CNTNAP2: variants seen among roughly 807,000 people sequenced by gnomAD.
The protein encoded by CNTNAP2 is contactin-associated protein-like 2.
A neutral mutation model predicts 155.2 loss-of-function variants in CNTNAP2; 98 were observed. The observed-to-expected ratio is 0.63, with a 90% CI of 0.54 to 0.75. The LOEUF is 0.75. Ranked by LOEUF, CNTNAP2 falls within the 30% of genes least tolerant of loss-of-function variation. CNTNAP2 has a pLI of 0.00. For synonymous variants in CNTNAP2, 651 were observed against 631.2 expected (o/e 1.03, Z -0.47); for missense variants, 1,727 against 1,688.1 (o/e 1.02, Z -0.40).
At chr7:146,759,050 TG>T (rs1408918133) in intron 1 of CNTNAP2, among the ~76,000 whole-genome samples, 7 of 152,228 alleles carry the variant, frequency 4.6e-5, no homozygotes, top group Non-Finnish European at 8.8e-5. Context: ...TGTGTTGAAA[TG>T]ACTTACTTTT....
intron 8 of CNTNAP2, among the ~76,000 whole-genome samples, chr7:147,216,168 C>A (rs1803265990): frequency 6.6e-6 from 1 of 151,354 alleles, no homozygotes; most frequent in Non-Finnish European, 1.5e-5. Flanking sequence ...TTTGGCAAAG[C>A]AGAAATTTTT....
intron 3 of CNTNAP2, among the ~76,000 whole-genome samples, chr7:146,875,647 A>T (rs1170246808): frequency 6.7e-6 from 1 of 149,696 alleles, no homozygotes; most frequent in East Asian, 2.0e-4. Context: ...GTGTAAAACT[A>T]CCTCCTAAGA....
intron 1 of CNTNAP2, among the ~76,000 whole-genome samples, chr7:146,184,522 A>T (rs1798595946): frequency 6.6e-6 from 1 of 152,232 alleles, no homozygotes; most frequent in Non-Finnish European, 1.5e-5. Context: ...AAGAAACATT[A>T]GTTAATAGAA....
intron 4 of CNTNAP2, among the ~76,000 whole-genome samples, chr7:147,095,012 C>T (rs1278706558): frequency 1.3e-5 from 2 of 151,464 alleles, no homozygotes; most frequent in South Asian, 2.1e-4. Flanking sequence ...TCTGGGGCAA[C>T]TTTATTTTTT....
At chr7:148,018,901 C>G (rs1339187541) in intron 15 of CNTNAP2, among the ~76,000 whole-genome samples, 1 of 152,190 alleles carries the variant, frequency 6.6e-6, no homozygotes, top group African/African-American at 2.4e-5. Flanking sequence ...ATATCCATTT[C>G]CCTCTAAATT....
chr7:147,546,221 G>C (rs1799727615), intron 11 of CNTNAP2, among the ~76,000 whole-genome samples: 2 of 152,062 alleles, frequency 1.3e-5, no homozygotes, highest in South Asian at 4.1e-4. Flanking sequence ...ATGAGAGGAG[G>C]TATGATTCAT....
intron 1 of CNTNAP2, among the ~76,000 whole-genome samples, chr7:146,638,357 A>G (rs1799634336): frequency 6.6e-6 from 1 of 151,890 alleles, no homozygotes; most frequent in Non-Finnish European, 1.5e-5. Context: ...TCTTATACAC[A>G]TACTTTATTT....
At chr7:147,589,392 G>A (rs935709715) in intron 12 of CNTNAP2, among the ~76,000 whole-genome samples, 1 of 151,908 alleles carries the variant, frequency 6.6e-6, no homozygotes, top group Non-Finnish European at 1.5e-5. Flanking sequence ...ATATAATAAA[G>A]GCTTATGGAC....
chr7:147,348,632 CCTA>C lies in CNTNAP2; in HGVS notation c.1499-46973_1499-46971del, dbSNP rs1315394214. Reference sequence around the variant, plus strand: ...TAGCACTACCATATGATCCAGCAATCCTACTAATGGGCGTTTATCCAAAGGAAA... The same window carrying C: ...TAGCACTACCATATGATCCAGCAATCCTAATGGGCGTTTATCCAAAGGAAA... On this transcript the variant is annotated intron_variant, in intron 9 of 23. Coordinates refer to ENST00000361727, the MANE Select transcript of CNTNAP2 (RefSeq NM_014141.6). 2.6e-5 allele frequency among the ~76,000 whole-genome samples: 4 copies of C among 152,078 alleles called. No individual in the cohort carries two copies. In the East Asian group the frequency reaches 5.8e-4, roughly 22 times the overall value.
At chr7:148,269,212 C>A (rs1267584190) in intron 21 of CNTNAP2, among the ~76,000 whole-genome samples, 1 of 152,080 alleles carries the variant, frequency 6.6e-6, no homozygotes, top group African/African-American at 2.4e-5. Flanking sequence ...AACTGGAAAA[C>A]AAAAGAGGGC....
chr7:146,882,255 A>G lies in CNTNAP2; in HGVS notation c.402+42351A>G, dbSNP rs768588845. ...ATTCCATGTCTTTGCTATGGTGAATAGTGCTGTAATGAACATATGAATGCA... is the reference window on the plus strand; with the variant it reads ...ATTCCATGTCTTTGCTATGGTGAATGGTGCTGTAATGAACATATGAATGCA... On this transcript the variant is annotated intron_variant, in intron 3 of 23. Transcript: ENST00000361727. Among the ~76,000 whole-genome samples, 80 of 152,094 alleles carry G rather than the reference A, an allele frequency of 5.3e-4. 2 individuals are homozygous for G. The highest frequency in any genetic ancestry group is 4.6e-4 in the Admixed American group (7 of 15,224).
At chr7:148,015,216 T>A (rs1030883496) in intron 15 of CNTNAP2, among the ~76,000 whole-genome samples, 10 of 152,340 alleles carry the variant, frequency 6.6e-5, no homozygotes, top group Middle Eastern at 3.4e-3. Context: ...AGTATTTTTT[T>A]AAAAAAGATG....
chr7:148,405,448 A>G (rs1372377300), intron 22 of CNTNAP2, among the ~76,000 whole-genome samples: 1 of 22,546 alleles, frequency 4.4e-5, no homozygotes, highest in East Asian at 1.3e-3. Flanking sequence ...TTTTTTTTTG[A>G]GACGGAGTCT....
intron 10 of CNTNAP2, among the ~76,000 whole-genome samples, chr7:147,458,130 G>T (rs1797954853): frequency 9.5e-6 from 1 of 105,662 alleles, no homozygotes; most frequent in Non-Finnish European, 2.1e-5. Context: ...GGTACTATCA[G>T]AAAAAACAAA....
intron 1 of CNTNAP2, among the ~76,000 whole-genome samples, chr7:146,225,166 A>G (rs1352839855): frequency 6.6e-6 from 1 of 152,126 alleles, no homozygotes; most frequent in Non-Finnish European, 1.5e-5. Flanking sequence ...TTTAAGCAAA[A>G]TCAACAGCAG....
At chr7:148,282,279 G>A (rs951025115) in intron 21 of CNTNAP2, among the ~76,000 whole-genome samples, 15 of 152,184 alleles carry the variant, frequency 9.9e-5, no homozygotes, top group African/African-American at 3.6e-4. Context: ...GGCAAATCTT[G>A]TCATAAGTGT....
chr7:146,762,928 A>T (rs1231134943), intron 1 of CNTNAP2, among the ~76,000 whole-genome samples: 1 of 152,158 alleles, frequency 6.6e-6, no homozygotes, highest in Non-Finnish European at 1.5e-5. Flanking sequence ...CCCTCCCATG[A>T]CATGTGGGAA....
chr7:147,477,485 T>C (rs1367441630), intron 10 of CNTNAP2, among the ~76,000 whole-genome samples: 1 of 152,094 alleles, frequency 6.6e-6, no homozygotes, highest in African/African-American at 2.4e-5. Flanking sequence ...TTAAAATAGC[T>C]GTTGAGTTTA....
At chr7:148,105,644 A>G (rs540061207) in intron 15 of CNTNAP2, among the ~76,000 whole-genome samples, 79 of 151,190 alleles carry the variant, frequency 5.2e-4, no homozygotes, top group Non-Finnish European at 7.4e-4. Flanking sequence ...CTGGAGCGCA[A>G]TGGCACACTC....
Sources: gnomAD v4.1 joint callset for allele counts (sites outside exome capture counted in the v4.1 genomes callset) on GRCh38, gnomAD v4.1.1 for gene constraint, MANE v1.5 for transcripts, NCBI Gene and HGNC (gene_info 2026-07-23, HGNC 2026-07-21) for gene names.